The following SLC24A2 variants were observed in gnomAD, a reference collection of about 807,000 sequenced individuals.
The protein encoded by SLC24A2 is solute carrier family 24 member 2.
In SLC24A2, 36 loss-of-function variants were observed where a neutral mutation model predicts 62.0. The observed-to-expected ratio is 0.58, with a 90% CI of 0.44 to 0.77. The LOEUF (loss-of-function observed/expected upper bound fraction) is 0.77, where lower values mean the gene tolerates loss of function less well. Ranked by LOEUF, SLC24A2 falls within the 30% of genes least tolerant of loss-of-function variation. The probability of loss-of-function intolerance (pLI) is 0.00; values close to 1 mark genes in which losing one functional copy is unlikely to be tolerated. For missense variants in SLC24A2, 846 were observed against 817.9 expected, an observed-to-expected ratio of 1.03 and a Z score of -0.42; for synonymous variants, 358 against 294.0, an observed-to-expected ratio of 1.22 and a Z score of -2.23.
the SLC24A2 span, among the ~76,000 whole-genome samples, chr9:19,965,273 A>C: frequency 1.3e-5 from 2 of 152,028 alleles, no homozygotes; most frequent in Non-Finnish European, 2.9e-5. Flanking sequence ...AATCAGAACA[A>C]ATGCTTGCCA....
chr9:20,294,651 G>A, the SLC24A2 span, among the ~76,000 whole-genome samples: 13 of 152,252 alleles, frequency 8.5e-5, no homozygotes, highest in Admixed American at 6.5e-4. Context: ...ATCACTTAGT[G>A]ATTTCCTTAA....
At chr9:19,663,962 G>C (rs1292245538) in intron 2 of SLC24A2, among the ~76,000 whole-genome samples, 1 of 152,224 alleles carries the variant, frequency 6.6e-6, no homozygotes, top group African/African-American at 2.4e-5. Flanking sequence ...ATGGACGAAA[G>C]CAAAAGAGAT....
intron 2 of SLC24A2, among the ~76,000 whole-genome samples, chr9:19,677,437 G>A (rs898968941): frequency 1.3e-5 from 2 of 152,176 alleles, no homozygotes; most frequent in Non-Finnish European, 2.9e-5. Context: ...TCAGACGGTG[G>A]AGGGCAGAAG....
chr9:19,590,109 C>T (rs974364945), intron 5 of SLC24A2, among the ~76,000 whole-genome samples: 3 of 152,134 alleles, frequency 2.0e-5, no homozygotes, highest in African/African-American at 7.2e-5. Context: ...AAGACAGACC[C>T]TACTTTACCA....
chr9:20,152,519 T>C, the SLC24A2 span, among the ~76,000 whole-genome samples: 1 of 151,960 alleles, frequency 6.6e-6, no homozygotes, highest in Non-Finnish European at 1.5e-5. Flanking sequence ...AAAGTAAAAG[T>C]GAGAGGTGTG....
At chr9:20,035,732 G>T in the SLC24A2 span, among the ~76,000 whole-genome samples, 2 of 152,098 alleles carry the variant, frequency 1.3e-5, no homozygotes, top group African/African-American at 4.8e-5. Context: ...ACTCCAACCT[G>T]GGTGACAGAG....
the SLC24A2 span, among the ~76,000 whole-genome samples, chr9:19,901,731 T>G: frequency 6.6e-6 from 1 of 152,150 alleles, no homozygotes; most frequent in Non-Finnish European, 1.5e-5. Flanking sequence ...TAATCAAGTG[T>G]GCAGACTCTC....
intron 2 of SLC24A2, among the ~76,000 whole-genome samples, chr9:19,772,477 A>G (rs1822718949): frequency 6.6e-6 from 1 of 152,192 alleles, no homozygotes; most frequent in Non-Finnish European, 1.5e-5. Flanking sequence ...CATATATCTG[A>G]TAAGGGGCTT....
At chr9:20,143,304 G>C in the SLC24A2 span, among the ~76,000 whole-genome samples, 1 of 152,160 alleles carries the variant, frequency 6.6e-6, no homozygotes, top group African/African-American at 2.4e-5. Context: ...CCAATCTTGG[G>C]CCATAGAGAA....
chr9:19,857,182 T>C, the SLC24A2 span, among the ~76,000 whole-genome samples: 2 of 152,218 alleles, frequency 1.3e-5, no homozygotes, highest in African/African-American at 2.4e-5. Context: ...GAAAATCTTC[T>C]AGAGTTTACT....
the SLC24A2 span, among the ~76,000 whole-genome samples, chr9:20,012,697 T>C: frequency 4.6e-5 from 7 of 152,176 alleles, no homozygotes; most frequent in African/African-American, 1.7e-4. Context: ...AGTAAAGTTG[T>C]AGGATACAAA....
intron 2 of SLC24A2, among the ~76,000 whole-genome samples, chr9:19,651,546 C>T (rs553782801): frequency 1.4e-5 from 2 of 138,182 alleles, no homozygotes; most frequent in South Asian, 5.4e-4. Context: ...TGCTGGGGAA[C>T]CCCCCACGCC....
chr9:19,978,022 G>A, the SLC24A2 span, among the ~76,000 whole-genome samples: 2 of 152,160 alleles, frequency 1.3e-5, no homozygotes, highest in African/African-American at 4.8e-5. Context: ...GCCCTGAGGG[G>A]TGTCTTGGTA....
chr9:19,709,671 C>T (rs914884156), intron 2 of SLC24A2, among the ~76,000 whole-genome samples: 34 of 147,634 alleles, frequency 2.3e-4, no homozygotes, highest in Admixed American at 1.4e-3. Context: ...AACCAAACAC[C>T]GCATGTTCTC....
At chr9:19,591,319 C>G (rs186338799) in intron 5 of SLC24A2, among the ~76,000 whole-genome samples, 18 of 152,314 alleles carry the variant, frequency 1.2e-4, no homozygotes, top group Admixed American at 1.2e-3. Context: ...TTGCTCTATT[C>G]TCAGTCTTCT....
chr9:20,270,647 A>G, the SLC24A2 span, among the ~76,000 whole-genome samples: 1 of 152,310 alleles, frequency 6.6e-6, no homozygotes, highest in South Asian at 2.1e-4. Context: ...CCCAGCCCAA[A>G]GGCATACCTA....
At chr9:20,204,451 T>C in the SLC24A2 span, among the ~76,000 whole-genome samples, 146 of 152,338 alleles carry the variant, frequency 9.6e-4, 1 homozygote, top group African/African-American at 3.4e-3. Flanking sequence ...AAGAAGATTA[T>C]TTTTTATGTG....
chr9:19,830,718 A>T, the SLC24A2 span, among the ~76,000 whole-genome samples: 1 of 152,064 alleles, frequency 6.6e-6, no homozygotes, highest in Admixed American at 6.6e-5. Flanking sequence ...CCTTTCCCTA[A>T]CTGGACATTG....
the SLC24A2 span, among the ~76,000 whole-genome samples, chr9:20,264,548 G>C: frequency 6.6e-6 from 1 of 152,104 alleles, no homozygotes. Context: ...AAACACAATT[G>C]GCATTCAATT....
Sources: allele counts gnomAD v4.1 joint callset (sites outside exome capture counted in the v4.1 genomes callset), GRCh38; gene constraint gnomAD v4.1.1; transcripts MANE v1.5; gene names NCBI Gene and HGNC (gene_info 2026-07-23, HGNC 2026-07-21).